WASF3: variants seen among roughly 807,000 people sequenced by gnomAD.
WASF3 encodes actin-binding protein WASF3.
WASF3 carries 11 observed loss-of-function variants against 46.6 expected under a neutral mutation model. The ratio of observed to expected loss-of-function variants is 0.24; its 90% CI spans 0.15 to 0.39. WASF3 has a LOEUF of 0.39. WASF3 is among the 10% of genes least tolerant of loss of function. WASF3 has a pLI of 1.00. For synonymous variants in WASF3, 242 were observed against 259.7 expected (o/e 0.93, Z 0.65); for missense variants, 576 against 669.8 (o/e 0.86, Z 1.55).
intron 1 of WASF3, among the ~76,000 whole-genome samples, chr13:26,558,058 G>C (rs933973307): frequency 1.3e-5 from 2 of 151,580 alleles, no homozygotes; most frequent in African/African-American, 4.8e-5. Flanking sequence ...GCTTCTCGCC[G>C]TCACGGCGCG....
intron 3 of WASF3, among the ~76,000 whole-genome samples, chr13:26,659,694 C>T (rs144087970): frequency 6.6e-6 from 1 of 152,046 alleles, no homozygotes; most frequent in East Asian, 1.9e-4. Context: ...AGCAGTCAGA[C>T]CCTGGATATA....
At chr13:26,545,218 G>A in the WASF3 span, among the ~76,000 whole-genome samples, 1 of 152,298 alleles carries the variant, frequency 6.6e-6, no homozygotes, top group Non-Finnish European at 1.5e-5. Context: ...TTCCACTGTA[G>A]TAGCAAAATT....
At chr13:26,627,623 G>T (rs1257687097) in intron 2 of WASF3, among the ~76,000 whole-genome samples, 1 of 152,100 alleles carries the variant, frequency 6.6e-6, no homozygotes, top group Non-Finnish European at 1.5e-5. Flanking sequence ...TAAAACGAAG[G>T]CTAAGAATTC....
rs966688695 is a variant in WASF3, at chr13:26,596,333, CT to C, written c.-108-16618del. On this transcript the variant is annotated intron_variant, in intron 1 of 9. Transcript: ENST00000335327. ...GCTCTTTTCATAATTGGATTGTTTA[CT>C]TTTTTTTTTAAAAAAAGCTAGTTTT... Among the ~76,000 whole-genome samples the C allele has an allele frequency of 1.3e-3, 184 of 143,924 alleles. 3 individuals are homozygous for C. The highest frequency in any genetic ancestry group is 8.5e-3 in the East Asian group (42 of 4,922). 94.4% of individuals were successfully genotyped at this position (143,924 alleles called of 152,430 possible).
chr13:26,581,487 T>C (rs1424292562), intron 1 of WASF3, among the ~76,000 whole-genome samples: 1 of 152,116 alleles, frequency 6.6e-6, no homozygotes, highest in East Asian at 1.9e-4. Context: ...CCAGAAAAGT[T>C]TGAGTTGAGC....
At chr13:26,665,230 G>A in intron 4 of WASF3, 68 bp downstream of exon 4, 1 of 1,538,148 alleles carries the variant, frequency 6.5e-7, no homozygotes, top group East Asian at 2.3e-5. Context: ...TAATTGCAGT[G>A]TAATTACTGC....
chr13:26,558,423 C>T (rs1391544444), intron 1 of WASF3, among the ~76,000 whole-genome samples: 2 of 147,886 alleles, frequency 1.4e-5, no homozygotes, highest in Admixed American at 1.3e-4. Flanking sequence ...AGGCCGGACT[C>T]TTGGAGTGCA....
At chr13:26,562,276 C>T (rs764413851) in intron 1 of WASF3, among the ~76,000 whole-genome samples, 5 of 152,138 alleles carry the variant, frequency 3.3e-5, no homozygotes, top group Non-Finnish European at 7.3e-5. Context: ...CACACTGGGA[C>T]TAAGAAGGAT....
intron 3 of WASF3, among the ~76,000 whole-genome samples, chr13:26,663,403 T>C (rs1029470587): frequency 6.6e-6 from 1 of 152,214 alleles, no homozygotes; most frequent in African/African-American, 2.4e-5. Flanking sequence ...GTATATAGTT[T>C]GTGTGAAGGC....
intron 1 of WASF3, among the ~76,000 whole-genome samples, chr13:26,563,148 C>T (rs1164587658): frequency 6.6e-6 from 1 of 151,702 alleles, no homozygotes; most frequent in Non-Finnish European, 1.5e-5. Context: ...AATACTCTCT[C>T]CTGTCAGTGT....
At chr13:26,667,464 A>C in intron 4 of WASF3, 53 bp from the exon 5 acceptor site, 1 of 1,520,468 alleles carries the variant, frequency 6.6e-7, no homozygotes, top group Non-Finnish European at 8.9e-7. Context: ...TTTACTTCTA[A>C]ACAGTTAAAA....
chr13:26,574,020 T>C (rs1211545260), intron 1 of WASF3, among the ~76,000 whole-genome samples: 1 of 152,260 alleles, frequency 6.6e-6, no homozygotes, highest in Non-Finnish European at 1.5e-5. Context: ...TGTTCATTTG[T>C]CCACCTCTCC....
intron 9 of WASF3, 79 bp downstream of exon 9, chr13:26,683,053 G>A (rs1883291083): frequency 2.6e-6 from 4 of 1,520,216 alleles, no homozygotes; most frequent in South Asian, 2.6e-5. Context: ...CAGCCTCCTT[G>A]TCTTCAAATG....
Position 26,681,221 on chromosome 13 carries a change from A to G in WASF3, c.884A>G (p.His295Arg). 1 of 1,613,978 alleles carries G rather than the reference A, an allele frequency of 6.2e-7. No individual in the cohort carries two copies. Among genetic ancestry groups the G allele is most frequent in the Non-Finnish European group, 8.5e-7 (1 of 1,179,990 alleles). The change falls in exon 8 of 10, where the codon CAC becomes CGC. Residue 295 changes from histidine to arginine, a missense_variant. His to Arg is a conservative substitution (Grantham distance 29). Around this residue, in one of 3 missense-constraint regions of WASF3, gnomAD observed 295 missense variants for 291.5 expected, o/e 1.01. Transcript: ENST00000335327. ...EYRPPSASARHMALNRPQQPP... is the reference protein window; with the variant it reads ...EYRPPSASARRMALNRPQQPP... ...CGGCCCCCATCTGCCTCGGCGAGGC[A>G]CATGGCCCTCAACAGACCTCAGCAG...
At chr13:26,567,550 G>A (rs1045327408) in intron 1 of WASF3, among the ~76,000 whole-genome samples, 3 of 152,118 alleles carry the variant, frequency 2.0e-5, no homozygotes, top group Admixed American at 2.0e-4. Flanking sequence ...GGTAAGTGGT[G>A]GCAACAGAGG....
intron 2 of WASF3, among the ~76,000 whole-genome samples, chr13:26,631,562 T>C (rs1363827451): frequency 6.6e-6 from 1 of 152,206 alleles, no homozygotes; most frequent in Non-Finnish European, 1.5e-5. Context: ...CCATGCTGTT[T>C]TGGTTACTGT....
chr13:26,607,878 A>G (rs1880848618), intron 1 of WASF3, among the ~76,000 whole-genome samples: 1 of 152,020 alleles, frequency 6.6e-6, no homozygotes, highest in Non-Finnish European at 1.5e-5. Flanking sequence ...TTAAGAGATA[A>G]TCCTACCTAG....
chr13:26,608,737 G>A (rs900621542), intron 1 of WASF3, among the ~76,000 whole-genome samples: 2 of 152,146 alleles, frequency 1.3e-5, no homozygotes, highest in Non-Finnish European at 2.9e-5. Context: ...CCAAGAAAGA[G>A]GAGAAACACA....
At chr13:26,680,966 G>C (rs901277194) in intron 7 of WASF3, 88 bp from the exon 8 acceptor site, 3 of 1,481,766 alleles carry the variant, frequency 2.0e-6, no homozygotes, top group Non-Finnish European at 2.8e-6. Context: ...TATTAGCAAT[G>C]TTATTATTCA....
Sources: allele counts gnomAD v4.1 joint callset (sites outside exome capture counted in the v4.1 genomes callset), GRCh38; gene constraint gnomAD v4.1.1; regional missense constraint gnomAD v4.1.1; transcripts MANE v1.5; gene names NCBI Gene and HGNC (gene_info 2026-07-23, HGNC 2026-07-21).